PDS5B: variants seen among roughly 807,000 people sequenced by gnomAD.
The protein encoded by PDS5B is sister chromatid cohesion protein PDS5 homolog B.
Under a neutral mutation model 184.1 loss-of-function variants are expected in PDS5B, and 51 were observed. The ratio of observed to expected loss-of-function variants is 0.28; its 90% CI spans 0.22 to 0.35. PDS5B has a LOEUF of 0.35. PDS5B is among the 10% of genes least tolerant of loss of function. The pLI is 1.00. For missense variants in PDS5B, 1,180 were observed against 1,723.3 expected (o/e 0.68, Z 5.58); for synonymous variants, 566 against 569.2 (o/e 0.99, Z 0.08).
chr13:32,711,149 T>C (rs147128832), intron 19 of PDS5B, among the ~76,000 whole-genome samples: 2,730 of 147,924 alleles, frequency 0.018, 34 homozygotes, highest in Non-Finnish European at 0.029. Context: ...CACGCCCCCA[T>C]GCCCGGCTAA....
At chr13:32,644,261 G>A (rs1205682791) in intron 1 of PDS5B, among the ~76,000 whole-genome samples, 2 of 152,158 alleles carry the variant, frequency 1.3e-5, no homozygotes, top group Non-Finnish European at 1.5e-5. Context: ...TGGTGTGAAG[G>A]CAATACACAT....
Position 32,759,949 on chromosome 13 carries a change from TA to T in PDS5B, c.3372+267del, listed in dbSNP as rs544026282. On this transcript the variant is annotated intron_variant, in intron 29 of 34. Coordinates refer to ENST00000315596, the MANE Select transcript of PDS5B (RefSeq NM_015032.4). ...TAGACTTCTTAGGTTAATATCAAGA[TA>T]AAAAAAATCTTAAAAGGCTTTTTTT... 9.1e-3 allele frequency among the ~76,000 whole-genome samples: 1,376 copies of T among 151,858 alleles called. 57 individuals are homozygous for T. The highest frequency in any genetic ancestry group is 0.074 in the Admixed American group (1,135 of 15,240).
intron 1 of PDS5B, among the ~76,000 whole-genome samples, chr13:32,619,287 A>G (rs1458285484): frequency 3.3e-5 from 5 of 152,148 alleles, no homozygotes; most frequent in South Asian, 4.1e-4. Flanking sequence ...TTGTTAGGCA[A>G]TTTCTTCACT....
At chr13:32,699,697 A>T in intron 15 of PDS5B, 33 bp from the exon 16 acceptor site, 1 of 1,273,718 alleles carries the variant, frequency 7.9e-7, no homozygotes, top group African/African-American at 1.6e-5. Context: ...ATTAAAAAAA[A>T]TTGATTTTAA....
Position 32,724,441 on chromosome 13 carries a change from A to T in PDS5B, c.2124-7660A>T, listed in dbSNP as rs958781459. ...TGATTGGTTGCTGTGTCTTTTAAGT[A>T]TCTTGTTTCTTGTGGGCTTTCTCTC... is the stretch of plus-strand genomic sequence containing the variant. On this transcript the variant is annotated intron_variant, in intron 19 of 34. Transcript: ENST00000315596. Among the ~76,000 whole-genome samples, 8 of 152,278 alleles carry T rather than the reference A, an allele frequency of 5.3e-5. No homozygotes were observed. In the South Asian group the frequency reaches 1.2e-3, roughly 24 times the overall value.
chr13:32,642,400 A>G (rs969042902), intron 1 of PDS5B, among the ~76,000 whole-genome samples: 1 of 152,176 alleles, frequency 6.6e-6, no homozygotes, highest in African/African-American at 2.4e-5. Context: ...TACAATAGAT[A>G]CAATGTGATA....
At chr13:32,658,561 T>TA (rs772451164) in intron 5 of PDS5B, 30 bp downstream of exon 5, 5 of 1,125,072 alleles carry the variant, frequency 4.4e-6, no homozygotes, top group African/African-American at 3.2e-5. Flanking sequence ...TATGTAACAT[T>TA]AAAAAAAGGT....
At chr13:32,652,134 C>T in intron 3 of PDS5B, 127 bp downstream of exon 3, 8 of 619,502 alleles carry the variant, frequency 1.3e-5, no homozygotes, top group East Asian at 2.9e-5. Context: ...TAATCTTTTG[C>T]TAAACTTAAT....
rs766935471 is a variant in PDS5B at position 32,770,360 on chromosome 13, T to A, written c.3864T>A (p.Gly1288=). Residue 1288 remains glycine, a synonymous_variant, in exon 32 of 35, where the codon GGT becomes GGA. Transcript: ENST00000315596. The stretch of plus-strand genomic sequence containing the variant: ...AACAGAATAGTCCGCCAAAAAAGGG[T>A]AAAAGAGGCCGACCACCAAAACCTC... ...EDEQNSPPKK[G]KRGRPPKPLG... is the part of the protein sequence containing the mutation. The A allele has an allele frequency of 1.9e-6, 3 of 1,604,358 alleles. No homozygotes were observed. Among genetic ancestry groups the A allele is most frequent in the African/African-American group, 1.4e-5 (1 of 72,172 alleles).
intron 6 of PDS5B, 45 bp downstream of exon 6, chr13:32,659,325 T>C: frequency 7.0e-7 from 1 of 1,426,598 alleles, no homozygotes; most frequent in Non-Finnish European, 9.4e-7. Flanking sequence ...CCCGTTAATA[T>C]TAAGGCTTAA....
At chr13:32,631,884 A>T (rs2058461352) in intron 1 of PDS5B, among the ~76,000 whole-genome samples, 1 of 152,244 alleles carries the variant, frequency 6.6e-6, no homozygotes, top group African/African-American at 2.4e-5. Flanking sequence ...TAAAAACGGC[A>T]GAATCTGAAG....
At chr13:32,615,581 G>A (rs1393462578) in intron 1 of PDS5B, among the ~76,000 whole-genome samples, 2 of 152,132 alleles carry the variant, frequency 1.3e-5, no homozygotes, top group African/African-American at 4.8e-5. Flanking sequence ...TTTATAATGA[G>A]TGAAGAGAAA....
rs1403629254 is a variant in PDS5B at position 32,658,420 on chromosome 13, C to T, written c.400-14C>T. ...AAAATGCTTAACTTTCACTTTTTTACACCTTATTTTTAGAACATTGCTTGG... is the reference window on the plus strand; with the variant it reads ...AAAATGCTTAACTTTCACTTTTTTATACCTTATTTTTAGAACATTGCTTGG... On this transcript the variant is annotated splice_polypyrimidine_tract_variant and intron_variant, in intron 4 of 34. Coordinates refer to ENST00000315596, the MANE Select transcript of PDS5B (RefSeq NM_015032.4). 6.7e-7 allele frequency: 1 copy of T among 1,503,170 alleles called. No individual in the cohort carries two copies. Among genetic ancestry groups the T allele is most frequent in the Admixed American group, 1.8e-5 (1 of 54,164 alleles). The allele number at this position is 1,503,170 out of a possible 1,614,324, so 93.1% of individuals were successfully genotyped here. A position where few individuals can be genotyped will look rare whatever the true frequency, so the allele number is the denominator to read the frequency against.
intron 1 of PDS5B, among the ~76,000 whole-genome samples, chr13:32,612,334 C>T (rs981604616): frequency 4.6e-5 from 7 of 152,138 alleles, no homozygotes; most frequent in Non-Finnish European, 8.8e-5. Context: ...TCCCAAAGTG[C>T]TGGGATTACA....
At chr13:32,732,026 C>G in intron 19 of PDS5B, 75 bp from the exon 20 acceptor site, 1 of 1,230,206 alleles carries the variant, frequency 8.1e-7, no homozygotes, top group Non-Finnish European at 1.1e-6. Flanking sequence ...CTTAAAAATA[C>G]AAATATTAAA....
chr13:32,601,788 T>C (rs1160930605), intron 1 of PDS5B, among the ~76,000 whole-genome samples: 1 of 152,250 alleles, frequency 6.6e-6, no homozygotes, highest in Non-Finnish European at 1.5e-5. Context: ...GCTCTGACTT[T>C]AGCTAAGCAG....
rs111349393 is a variant in PDS5B, at chr13:32,750,662, C to T, written c.2737-2670C>T. ...GTTTAAGCGATTCTCCTGCCTCAGC[C>T]TCCCAAGTAGCTGGGATTACAGGTG... On this transcript the variant is annotated intron_variant, in intron 24 of 34. Coordinates refer to ENST00000315596, the MANE Select transcript of PDS5B (RefSeq NM_015032.4). Among the ~76,000 whole-genome samples, 28 of 152,170 alleles carry T rather than the reference C, an allele frequency of 1.8e-4. 1 individual carries two copies. Among genetic ancestry groups the T allele is most frequent in the African/African-American group, 6.5e-4 (27 of 41,492 alleles).
chr13:32,667,856 T>A lies in PDS5B; in HGVS notation c.705+12T>A. The A allele has an allele frequency of 6.9e-7, 1 of 1,447,972 alleles. No individual in the cohort carries two copies. The highest frequency in any genetic ancestry group is 9.4e-7 in the Non-Finnish European group (1 of 1,061,002). 89.7% of individuals were successfully genotyped at this position (1,447,972 alleles called of 1,614,324 possible). A position where few individuals can be genotyped will look rare whatever the true frequency, so the allele number is the denominator to read the frequency against. The stretch of plus-strand genomic sequence containing the variant: ...CATATATTACCAATGTAAGTCTTAC[T>A]TGTAATTGGTTGTCAGAAGGATTAA... On this transcript the variant is annotated intron_variant, in intron 7 of 34. Transcript: ENST00000315596.
chr13:32,593,942 GTGT>G (rs929853886), intron 1 of PDS5B, among the ~76,000 whole-genome samples: 2 of 152,096 alleles, frequency 1.3e-5, no homozygotes, highest in Admixed American at 1.3e-4. Flanking sequence ...GTTCAAACCT[GTGT>G]TGTTGTTACA....
Sources: allele counts gnomAD v4.1 joint callset (sites outside exome capture counted in the v4.1 genomes callset), GRCh38; gene constraint gnomAD v4.1.1; transcripts MANE v1.5; gene names NCBI Gene and HGNC (gene_info 2026-07-23, HGNC 2026-07-21).